Variants in WLS observed in about 807,000 individuals in gnomAD.
WLS encodes Wnt ligand secretion mediator, also known as protein wntless homolog.
Under a neutral mutation model 62.8 loss-of-function variants are expected in WLS, and 23 were observed. That is an observed-to-expected ratio of 0.37 (90% CI 0.26 to 0.52). The LOEUF is 0.52. Ranked by LOEUF, WLS falls within the 20% of genes least tolerant of loss-of-function variation. The pLI, the probability that WLS is intolerant of heterozygous loss-of-function variation, is 0.92. For missense variants in WLS, 615 were observed against 697.3 expected, an observed-to-expected ratio of 0.88 and a Z score of 1.33; for synonymous variants, 246 against 244.1, an observed-to-expected ratio of 1.01 and a Z score of -0.07.
At position 68,232,405 on chromosome 1, in the gene WLS, G is replaced by A. The variant is rs1213993744; in HGVS notation, c.-106C>T. ...CTCCTTCCTCGCCTCCTTTCTGGGC[G>A]CTGCAAAACTTCAGAGGTGCTGGAG... On this transcript the variant is annotated 5_prime_UTR_variant, in exon 1 of 12. Transcript: ENST00000262348. 2.0e-6 allele frequency: 3 copies of A among 1,470,138 alleles called. No homozygotes were observed. Among genetic ancestry groups the A allele is most frequent in the Non-Finnish European group, 2.7e-6 (3 of 1,107,958 alleles). The allele number at this position is 1,470,138 out of a possible 1,614,324, so 91.1% of individuals were successfully genotyped here. A position where few individuals can be genotyped will look rare whatever the true frequency, so the allele number is the denominator to read the frequency against.
At chr1:68,121,707 C>T (rs1350499730), downstream of WLS, among the ~76,000 whole-genome samples, 1 of 152,160 alleles carries the variant, frequency 6.6e-6, no homozygotes, top group African/African-American at 2.4e-5. Context: ...TTGAGCCTGA[C>T]CAACTGCACT....
chr1:68,126,377 G>A (rs749960229), intron 11 of WLS, 42 bp from the exon 12 acceptor site: 2 of 1,611,550 alleles, frequency 1.2e-6, no homozygotes, highest in African/African-American at 2.7e-5. Context: ...CAAGGAGGAA[G>A]GAGAAGCAAG....
intron 11 of WLS, among the ~76,000 whole-genome samples, chr1:68,118,632 T>G (rs1163321238): frequency 6.6e-6 from 1 of 151,858 alleles, no homozygotes; most frequent in Non-Finnish European, 1.5e-5. Context: ...TCCCAACACT[T>G]TGGGAAGCCA....
At chr1:68,104,193 TA>T (rs61472446) in intron 11 of WLS, among the ~76,000 whole-genome samples, 1 of 149,432 alleles carries the variant, frequency 6.7e-6, no homozygotes, top group African/African-American at 2.5e-5. Context: ...GTTTGTGATT[TA>T]AAAAAAAAAG....
intron 1 of WLS, among the ~76,000 whole-genome samples, chr1:68,204,765 C>T (rs1649208336): frequency 6.6e-6 from 1 of 152,138 alleles, no homozygotes; most frequent in South Asian, 2.1e-4. Context: ...GAGGCCTCCT[C>T]TGATTTTCCT....
chr1:68,143,101 C>T (rs1478672318), intron 10 of WLS, among the ~76,000 whole-genome samples: 2 of 151,964 alleles, frequency 1.3e-5, no homozygotes, highest in African/African-American at 4.8e-5. Context: ...CCTTGAAATT[C>T]GAAGTATTTT....
chr1:68,101,313 T>C (rs866823105), intron 11 of WLS, among the ~76,000 whole-genome samples: 4 of 151,992 alleles, frequency 2.6e-5, no homozygotes, highest in African/African-American at 7.3e-5. Flanking sequence ...TTGCTATTAT[T>C]ATTATTATTA....
intron 11 of WLS, among the ~76,000 whole-genome samples, chr1:68,130,392 T>A (rs1047323655): frequency 6.6e-6 from 1 of 152,170 alleles, no homozygotes; most frequent in Non-Finnish European, 1.5e-5. Context: ...TGAGTTCATA[T>A]TTGTTCTCAA....
At chr1:68,099,286 G>A (rs1007717228) in intron 11 of WLS, among the ~76,000 whole-genome samples, 1 of 152,144 alleles carries the variant, frequency 6.6e-6, no homozygotes, top group African/African-American at 2.4e-5. Context: ...ACAGGAAAAA[G>A]ATCTGGTAGG....
intron 1 of WLS, among the ~76,000 whole-genome samples, chr1:68,206,941 C>A (rs4655787): frequency 0.26 from 38,891 of 152,006 alleles, 6,214 homozygotes; most frequent in East Asian, 0.8. Context: ...CCCTCCTCCC[C>A]CTCCTTGTCC....
At chr1:68,142,482 A>G (rs902650233) in intron 10 of WLS, 1 of 152,278 alleles carries the variant, frequency 6.6e-6, no homozygotes, top group Non-Finnish European at 1.5e-5. Context: ...CATTTTGGTC[A>G]TAGGAGGGAA....
chr1:68,178,311 G>T (rs1647348605), intron 2 of WLS, among the ~76,000 whole-genome samples: 1 of 152,174 alleles, frequency 6.6e-6, no homozygotes, highest in South Asian at 2.1e-4. Flanking sequence ...TAGACTGTGA[G>T]CTCCTAATTA....
At chr1:68,102,174 C>T (rs1646087608) in intron 11 of WLS, among the ~76,000 whole-genome samples, 1 of 152,182 alleles carries the variant, frequency 6.6e-6, no homozygotes, top group Admixed American at 6.5e-5. Context: ...GGAAACATTT[C>T]TCCTCCTGCA....
chr1:68,106,765 T>C (rs901866163), intron 11 of WLS, among the ~76,000 whole-genome samples: 1 of 150,660 alleles, frequency 6.6e-6, no homozygotes, highest in Admixed American at 6.6e-5. Flanking sequence ...TGTGGGTAGG[T>C]GGGTGGGTGA....
intron 2 of WLS, among the ~76,000 whole-genome samples, chr1:68,177,785 C>T (rs1006680823): frequency 1.6e-4 from 24 of 152,160 alleles, no homozygotes; most frequent in Admixed American, 1.1e-3. Flanking sequence ...TGAGCCACTG[C>T]GCCCAGCCAA....
At chr1:68,110,007 TAAAAAAAAAAAAA>T (rs11290966) in intron 11 of WLS, among the ~76,000 whole-genome samples, 1 of 28,456 alleles carries the variant, frequency 3.5e-5, no homozygotes, top group African/African-American at 1.6e-4. Context: ...ACACAAAAAG[TAAAAAAAAAAAAA>T]AAAAAAAAAA....
intron 11 of WLS, among the ~76,000 whole-genome samples, chr1:68,134,978 C>T (rs1246787484): frequency 6.6e-6 from 1 of 152,218 alleles, no homozygotes; most frequent in Non-Finnish European, 1.5e-5. Flanking sequence ...TGGGCTCCCA[C>T]TTGCTGAACA....
chr1:68,228,657 G>T (rs1025263805), intron 1 of WLS, among the ~76,000 whole-genome samples: 1 of 151,670 alleles, frequency 6.6e-6, no homozygotes, highest in African/African-American at 2.4e-5. Context: ...TATTTAGAAT[G>T]TATTTAGATG....
chr1:68,105,014 C>T (rs1284781002), intron 11 of WLS, among the ~76,000 whole-genome samples: 1 of 152,220 alleles, frequency 6.6e-6, no homozygotes, highest in Non-Finnish European at 1.5e-5. Context: ...GCAGTCACTG[C>T]CTGTGCATAG....
Sources: gnomAD v4.1 joint callset for allele counts (sites outside exome capture counted in the v4.1 genomes callset) on GRCh38, gnomAD v4.1.1 for gene constraint, MANE v1.5 for transcripts, NCBI Gene and HGNC (gene_info 2026-07-23, HGNC 2026-07-21) for gene names.